Variants in GPD2 observed in about 807,000 individuals in gnomAD.
GPD2 encodes glycerol-3-phosphate dehydrogenase 2.
In GPD2, 54 loss-of-function variants were observed where a neutral mutation model predicts 82.4. The ratio of observed to expected loss-of-function variants is 0.66; its 90% CI spans 0.53 to 0.82. GPD2 has a LOEUF of 0.82. GPD2 is among the 40% of genes least tolerant of loss of function. GPD2 has a pLI of 0.00. For missense variants in GPD2, 748 were observed against 896.2 expected (o/e 0.83, Z 2.11); for synonymous variants, 288 against 306.1 (o/e 0.94, Z 0.62).
intron 1 of GPD2, among the ~76,000 whole-genome samples, chr2:156,466,823 C>A (rs1376275159): frequency 6.6e-6 from 1 of 152,176 alleles, no homozygotes; most frequent in Non-Finnish European, 1.5e-5. Flanking sequence ...TTTTCTCCTT[C>A]TTTTGTACCT....
At chr2:156,581,822 T>G (rs1688034576) in intron 16 of GPD2, among the ~76,000 whole-genome samples, 1 of 152,054 alleles carries the variant, frequency 6.6e-6, no homozygotes. Context: ...TCCAGCCCCT[T>G]GGCAGATGTC....
intron 9 of GPD2, among the ~76,000 whole-genome samples, chr2:156,562,512 C>T (rs888919604): frequency 3.9e-5 from 6 of 151,986 alleles, no homozygotes; most frequent in Non-Finnish European, 7.4e-5. Flanking sequence ...CACTATTTCC[C>T]CTGTGTTCAT....
intron 1 of GPD2, among the ~76,000 whole-genome samples, chr2:156,458,969 G>A (rs1421642585): frequency 6.7e-6 from 1 of 149,126 alleles, no homozygotes; most frequent in East Asian, 2.0e-4. Context: ...ACTTGTGAGT[G>A]TGTATGTGTG....
At chr2:156,424,172 A>C in the GPD2 span, among the ~76,000 whole-genome samples, 1 of 146,872 alleles carries the variant, frequency 6.8e-6, no homozygotes, top group Non-Finnish European at 1.5e-5. Context: ...GACTCAGGTT[A>C]CCTTCAGGAC....
chr2:156,548,994 G>C (rs536521023), intron 6 of GPD2, among the ~76,000 whole-genome samples: 5 of 151,348 alleles, frequency 3.3e-5, no homozygotes, highest in Admixed American at 6.6e-5. Context: ...ATACAGGTAG[G>C]AATTGTTCTG....
At chr2:156,557,991 G>C (rs1487597243) in intron 9 of GPD2, among the ~76,000 whole-genome samples, 1 of 152,214 alleles carries the variant, frequency 6.6e-6, no homozygotes, top group Non-Finnish European at 1.5e-5. Context: ...GTATTTGTAA[G>C]ATGCTTAATA....
chr2:156,525,944 G>T (rs1573962763), intron 6 of GPD2, among the ~76,000 whole-genome samples: 1 of 152,068 alleles, frequency 6.6e-6, no homozygotes, highest in East Asian at 1.9e-4. Context: ...ATTTTTTTAG[G>T]ATTTTGGTAT....
intron 2 of GPD2, among the ~76,000 whole-genome samples, chr2:156,487,295 T>C (rs1049336303): frequency 6.6e-6 from 1 of 151,902 alleles, no homozygotes; most frequent in African/African-American, 2.4e-5. Flanking sequence ...CTGGGCAACA[T>C]GGTGAGACTC....
In GPD2 at chr2:156,449,856, C is replaced by CAAAAA. The variant is rs70987037; in HGVS notation, c.-9+13351_-9+13355dup. On this transcript the variant is annotated intron_variant, in intron 1 of 16. Coordinates refer to ENST00000438166, the MANE Select transcript of GPD2 (RefSeq NM_000408.5). ...CAAAACTCCATCTCTACTAAATATA[C>CAAAAA]AAAAAAAAAAAAGCCGGGCATGGTG... 4.9e-4 allele frequency among the ~76,000 whole-genome samples: 41 copies of CAAAAA among 83,994 alleles called. 1 individual carries two copies. Among genetic ancestry groups the CAAAAA allele is most frequent in the South Asian group, 1.4e-3 (2 of 1,422 alleles). 55.1% of individuals were successfully genotyped at this position (83,994 alleles called of 152,430 possible). A position where few individuals can be genotyped will look rare whatever the true frequency, so the allele number is the denominator to read the frequency against.
At chr2:156,431,461 G>A (rs929826732), upstream of GPD2, among the ~76,000 whole-genome samples, 1 of 151,914 alleles carries the variant, frequency 6.6e-6, no homozygotes, top group African/African-American at 2.4e-5. Flanking sequence ...AGTGTTTGTT[G>A]AGAAGGGAAG....
chr2:156,407,407 A>G, the GPD2 span, among the ~76,000 whole-genome samples: 1 of 152,206 alleles, frequency 6.6e-6, no homozygotes, highest in Non-Finnish European at 1.5e-5. Flanking sequence ...CCAGAAATAT[A>G]TATCTTGGAA....
the GPD2 span, among the ~76,000 whole-genome samples, chr2:156,428,572 G>T: frequency 3.3e-5 from 5 of 152,202 alleles, no homozygotes; most frequent in African/African-American, 1.2e-4. Context: ...CATATGTCAA[G>T]TTGTTTCATT....
chr2:156,508,143 C>G (rs1684853733), intron 3 of GPD2, among the ~76,000 whole-genome samples: 1 of 151,992 alleles, frequency 6.6e-6, no homozygotes, highest in Middle Eastern at 3.2e-3. Flanking sequence ...CTGGGTGAGC[C>G]TTAGCTGGGT....
At chr2:156,517,181 C>T (rs1263797507) in intron 6 of GPD2, among the ~76,000 whole-genome samples, 1 of 152,094 alleles carries the variant, frequency 6.6e-6, no homozygotes, top group African/African-American at 2.4e-5. Flanking sequence ...TGGTCTTGAA[C>T]TCCTGGCCTC....
At chr2:156,576,708 C>T (rs957483850) in intron 13 of GPD2, among the ~76,000 whole-genome samples, 12 of 152,216 alleles carry the variant, frequency 7.9e-5, no homozygotes, top group African/African-American at 2.6e-4. Context: ...CATTGAGTAC[C>T]GTTTATGAAA....
rs117602759 is a variant in GPD2 at position 156,548,062 on chromosome 2, A to G, written c.662-1546A>G. ...CAGGGTGTTTCCTTGTTAGATATAT[A>G]AATCAACCAGAAAGATTGGGTCGGA... is the stretch of plus-strand genomic sequence containing the variant. On this transcript the variant is annotated intron_variant, in intron 6 of 16. Coordinates refer to ENST00000438166, the MANE Select transcript of GPD2 (RefSeq NM_000408.5). Among the ~76,000 whole-genome samples, 51 of 152,320 alleles carry G rather than the reference A, an allele frequency of 3.3e-4. No individual in the cohort carries two copies. In the East Asian group the frequency reaches 9.6e-3, roughly 29 times the overall value.
upstream of GPD2, chr2:156,435,504 TCCGCCTCCCCCCA>T (rs1345087173): frequency 6.8e-6 from 1 of 147,020 alleles, no homozygotes; most frequent in Non-Finnish European, 1.5e-5. Flanking sequence ...GCCGGGGCTC[TCCGCCTCCCCCCA>T]CCTGTATGAG....
chr2:156,407,417 A>T, the GPD2 span, among the ~76,000 whole-genome samples: 3 of 152,212 alleles, frequency 2.0e-5, no homozygotes, highest in Non-Finnish European at 4.4e-5. Flanking sequence ...ATATCTTGGA[A>T]AATTATCCTT....
At chr2:156,571,367 G>A (rs752717547) in intron 13 of GPD2, 75 bp downstream of exon 13, 7 of 935,752 alleles carry the variant, frequency 7.5e-6, no homozygotes, top group Non-Finnish European at 1.1e-5. Flanking sequence ...GTAGAAGCTA[G>A]CGTAGTTTTT....
Sources: allele counts gnomAD v4.1 joint callset (sites outside exome capture counted in the v4.1 genomes callset), GRCh38; gene constraint gnomAD v4.1.1; transcripts MANE v1.5; gene names NCBI Gene and HGNC (gene_info 2026-07-23, HGNC 2026-07-21).